Variants in FRYL observed in about 807,000 individuals in gnomAD.
FRYL encodes protein furry homolog-like.
FRYL carries 150 observed loss-of-function variants against 351.2 expected under a neutral mutation model. The ratio of observed to expected loss-of-function variants is 0.43; its 90% CI spans 0.37 to 0.49. The LOEUF (loss-of-function observed/expected upper bound fraction) is 0.49, where lower values mean the gene tolerates loss of function less well. Among genes scored for constraint, FRYL ranks in the 20% least tolerant of loss-of-function variants. The pLI is 0.00. For missense variants in FRYL, 3,036 were observed against 3,619.3 expected, an observed-to-expected ratio of 0.84 and a Z score of 4.13; for synonymous variants, 1,153 against 1,257.1, an observed-to-expected ratio of 0.92 and a Z score of 1.75.
intron 54 of FRYL, among the ~76,000 whole-genome samples, 174 bp downstream of exon 54, chr4:48,522,727 C>A (rs1165720427): frequency 2.6e-5 from 4 of 152,156 alleles, no homozygotes; most frequent in Non-Finnish European, 5.9e-5. Flanking sequence ...CAGTATCAAC[C>A]TAATAAGTTT....
At position 48,595,942 on chromosome 4, in the gene FRYL, A is replaced by T; in HGVS notation, c.1094T>A (p.Val365Asp). 6.2e-7 allele frequency: 1 copy of T among 1,606,780 alleles called. No homozygotes were observed. Among genetic ancestry groups the T allele is most frequent in the Non-Finnish European group, 8.5e-7 (1 of 1,177,488 alleles). ...ALESLYRLLW[V>D]YVIRIKCESN... is the part of the protein sequence containing the mutation. ...TTCACATTTTATTCTAATTACATAA[A>T]CCCACAATAATCTATACAAAGATTC... The change falls in exon 14 of 64, where the codon GTT becomes GAT. Residue 365 changes from valine to aspartate, a missense_variant. Physicochemically the swap from Val to Asp is radical, Grantham distance 152. Around this residue, in one of 7 missense-constraint regions of FRYL, gnomAD observed 457 missense variants for 566.6 expected, o/e 0.81. Transcript: ENST00000358350.
chr4:48,527,807 T>A (rs1726594903), intron 52 of FRYL, among the ~76,000 whole-genome samples, 154 bp from the exon 53 acceptor site: 1 of 152,170 alleles, frequency 6.6e-6, no homozygotes, highest in Non-Finnish European at 1.5e-5. Flanking sequence ...GAACACATAG[T>A]TAGCATGGCT....
At chr4:48,667,234 C>T (rs1035927000) in intron 3 of FRYL, among the ~76,000 whole-genome samples, 1 of 152,056 alleles carries the variant, frequency 6.6e-6, no homozygotes, top group Admixed American at 6.6e-5. Context: ...CCCTAGTGGA[C>T]AATCCATTCC....
chr4:48,584,229 T>C (rs996607960), intron 19 of FRYL, among the ~76,000 whole-genome samples: 4 of 152,152 alleles, frequency 2.6e-5, no homozygotes, highest in Admixed American at 1.3e-4. Context: ...GAGTTAGAAA[T>C]AGTCTGAATG....
intron 50 of FRYL, 38 bp from the exon 51 acceptor site, chr4:48,528,374 T>G (rs1436965591): frequency 1.3e-6 from 2 of 1,544,362 alleles, no homozygotes; most frequent in Admixed American, 1.9e-5. Context: ...GGCTCAAATA[T>G]TTCAACATAA....
chr4:48,681,311 CTG>C (rs1443968606), intron 3 of FRYL: 1 of 220,294 alleles, frequency 4.5e-6, no homozygotes, highest in African/African-American at 2.3e-5. Flanking sequence ...CAGGACATTA[CTG>C]TTTGTGCTGA....
chr4:48,535,876 T>C, intron 47 of FRYL, 49 bp from the exon 48 acceptor site: 1 of 1,305,594 alleles, frequency 7.7e-7, no homozygotes, highest in Non-Finnish European at 1.0e-6. Flanking sequence ...AAGACACAAG[T>C]TTAACTTGAT....
chr4:48,671,305 A>C (rs762277739), intron 3 of FRYL, among the ~76,000 whole-genome samples: 17 of 152,216 alleles, frequency 1.1e-4, no homozygotes, highest in Non-Finnish European at 1.9e-4. Context: ...ACTTCTTAAA[A>C]AACCTTTGTA....
intron 3 of FRYL, among the ~76,000 whole-genome samples, chr4:48,649,371 G>A (rs1181322825): frequency 3.9e-5 from 6 of 152,014 alleles, no homozygotes; most frequent in African/African-American, 7.3e-5. Context: ...ATAAAATTAC[G>A]GTTTAAGAAG....
intron 55 of FRYL, among the ~76,000 whole-genome samples, chr4:48,517,428 T>C (rs1577901082): frequency 6.6e-6 from 1 of 152,362 alleles, no homozygotes; most frequent in East Asian, 1.9e-4. Flanking sequence ...TAGTAATGCC[T>C]ACATATCACG....
chr4:48,668,809 C>T (rs1407236388), intron 3 of FRYL, among the ~76,000 whole-genome samples: 1 of 152,212 alleles, frequency 6.6e-6, no homozygotes, highest in African/African-American at 2.4e-5. Context: ...TTCAGGAAGT[C>T]ACCAGAATTG....
chr4:48,674,519 C>T (rs1473365724), intron 3 of FRYL, among the ~76,000 whole-genome samples: 1 of 151,834 alleles, frequency 6.6e-6, no homozygotes, highest in Non-Finnish European at 1.5e-5. Flanking sequence ...GGGTAGATCA[C>T]GAGGTCAGGA....
intron 62 of FRYL, among the ~76,000 whole-genome samples, chr4:48,500,832 C>G (rs2148696488): frequency 6.6e-6 from 1 of 152,220 alleles, no homozygotes. Context: ...TGCCTGTAAT[C>G]CCAGCACTTT....
At chr4:48,699,277 C>T (rs1200670856) in intron 2 of FRYL, among the ~76,000 whole-genome samples, 1 of 152,076 alleles carries the variant, frequency 6.6e-6, no homozygotes, top group Admixed American at 6.6e-5. Flanking sequence ...ACAGAAAAAG[C>T]TAGAGAACTC....
Position 48,610,812 on chromosome 4 carries a change from T to C in FRYL, c.412-989A>G, listed in dbSNP as rs546386647. Among the ~76,000 whole-genome samples the C allele has an allele frequency of 1.0e-3, 153 of 148,396 alleles. 1 individual carries two copies. The highest frequency in any genetic ancestry group is 3.6e-3 in the South Asian group (17 of 4,770). On this transcript the variant is annotated intron_variant, in intron 7 of 63. Transcript: ENST00000358350. ...ATATATTGAAATATGTATATATGTA[T>C]ATATGTATACACTCAATATGTATAC... is the stretch of plus-strand genomic sequence containing the variant.
intron 1 of FRYL, among the ~76,000 whole-genome samples, chr4:48,723,983 G>T (rs996310964): frequency 2.0e-5 from 3 of 149,054 alleles, no homozygotes; most frequent in Non-Finnish European, 4.5e-5. Flanking sequence ...AAAAAATTAG[G>T]TGGGTGTGGT....
chr4:48,686,610 T>C (rs531272268), intron 2 of FRYL, among the ~76,000 whole-genome samples: 1 of 152,352 alleles, frequency 6.6e-6, no homozygotes, highest in South Asian at 2.1e-4. Context: ...CATTTCATCT[T>C]CTGGGACAAA....
intron 2 of FRYL, among the ~76,000 whole-genome samples, chr4:48,708,915 T>TTTTGTTG (rs1553866672): frequency 3.6e-5 from 5 of 138,920 alleles, no homozygotes; most frequent in Admixed American, 2.2e-4. Flanking sequence ...CGTGTGTTTT[T>TTTTGTTG]TTTTTTGTTT....
intron 36 of FRYL, 84 bp downstream of exon 36, chr4:48,553,131 A>C: frequency 4.0e-6 from 4 of 998,620 alleles, no homozygotes; most frequent in Non-Finnish European, 6.0e-6. Context: ...TATGGGACAT[A>C]GAGACCCTAA....
Sources: gnomAD v4.1 joint callset for allele counts (sites outside exome capture counted in the v4.1 genomes callset) on GRCh38, gnomAD v4.1.1 for gene constraint, gnomAD v4.1.1 regional missense constraint, MANE v1.5 for transcripts, NCBI Gene and HGNC (gene_info 2026-07-23, HGNC 2026-07-21) for gene names.